The following MDGA2 variants were observed in gnomAD, a reference collection of about 807,000 sequenced individuals.
MDGA2 encodes MAM domain containing glycosylphosphatidylinositol anchor 2, also known as MAM domain-containing glycosylphosphatidylinositol anchor protein 2.
Under a neutral mutation model 117.8 loss-of-function variants are expected in MDGA2, and 40 were observed. The observed-to-expected ratio is 0.34, with a 90% CI of 0.26 to 0.44. The LOEUF is 0.44. Among genes scored for constraint, MDGA2 ranks in the 20% least tolerant of loss-of-function variants. The probability of loss-of-function intolerance (pLI) is 1.00; values close to 1 mark genes in which losing one functional copy is unlikely to be tolerated. For synonymous variants in MDGA2, 452 were observed against 439.0 expected, an observed-to-expected ratio of 1.03 and a Z score of -0.37; for missense variants, 1,123 against 1,250.6, an observed-to-expected ratio of 0.90 and a Z score of 1.54.
At chr14:47,135,490 A>G (rs1232805205) in intron 4 of MDGA2, among the ~76,000 whole-genome samples, 1 of 152,200 alleles carries the variant, frequency 6.6e-6, no homozygotes, top group Non-Finnish European at 1.5e-5. Context: ...AGCATACATT[A>G]TAGGACATAC....
chr14:47,280,955 T>C (rs1013413063), intron 2 of MDGA2, among the ~76,000 whole-genome samples: 3 of 147,832 alleles, frequency 2.0e-5, no homozygotes, highest in Admixed American at 6.8e-5. Flanking sequence ...TAATATAATA[T>C]ATAAGGTATA....
In MDGA2 at chr14:46,933,041, G is replaced by T. The variant is rs1042440590; in HGVS notation, c.2090-12881C>A. 7.2e-5 allele frequency among the ~76,000 whole-genome samples: 11 copies of T among 152,026 alleles called. No individual in the cohort carries two copies. The East Asian group carries it at 2.1e-3, about 29-fold the overall frequency. On this transcript the variant is annotated intron_variant, in intron 9 of 16. Transcript: ENST00000399232. ...TTTATGTTCATTAAAAATATAAAAT[G>T]CTTAGGCATAAATCTAACAAAACCC... is the stretch of plus-strand genomic sequence containing the variant.
At chr14:47,305,359 T>C (rs1889408952) in intron 1 of MDGA2, 1 of 152,174 alleles carries the variant, frequency 6.6e-6, no homozygotes. Context: ...TGTTAAAATA[T>C]TGCATGAGAC....
At chr14:46,893,096 A>AC (rs1375696764) in intron 10 of MDGA2, among the ~76,000 whole-genome samples, 8 of 152,142 alleles carry the variant, frequency 5.3e-5, no homozygotes, top group African/African-American at 1.9e-4. Context: ...TATGGAAACA[A>AC]CCTAAATGTC....
At chr14:47,270,991 ACTC>A (rs1888126345) in intron 2 of MDGA2, among the ~76,000 whole-genome samples, 1 of 151,742 alleles carries the variant, frequency 6.6e-6, no homozygotes, top group Non-Finnish European at 1.5e-5. Flanking sequence ...AAAGGAAGTC[ACTC>A]CTCCTCTTCT....
chr14:47,349,747 G>A (rs1890838377), intron 1 of MDGA2, among the ~76,000 whole-genome samples: 1 of 152,208 alleles, frequency 6.6e-6, no homozygotes, highest in Admixed American at 6.5e-5. Flanking sequence ...CGATACTAGA[G>A]TCAGTCCTTT....
chr14:46,938,897 G>C (rs2138574579), intron 9 of MDGA2, among the ~76,000 whole-genome samples: 1 of 152,240 alleles, frequency 6.6e-6, no homozygotes, highest in African/African-American at 2.4e-5. Flanking sequence ...AAGATAAAAT[G>C]TAGTATATAT....
chr14:47,483,744 C>G (rs1171005426), intron 1 of MDGA2, among the ~76,000 whole-genome samples: 1 of 152,178 alleles, frequency 6.6e-6, no homozygotes, highest in Non-Finnish European at 1.5e-5. Flanking sequence ...ACTTTCCACT[C>G]ACACTGGCAA....
intron 10 of MDGA2, among the ~76,000 whole-genome samples, chr14:46,886,765 C>T (rs897038488): frequency 1.3e-5 from 2 of 152,060 alleles, no homozygotes; most frequent in African/African-American, 4.8e-5. Context: ...AATTCTATGA[C>T]AGTGCTCTCT....
At chr14:47,096,817 A>T (rs774423133) in intron 6 of MDGA2, 37 bp downstream of exon 6, 11 of 1,602,176 alleles carry the variant, frequency 6.9e-6, no homozygotes, top group African/African-American at 1.3e-5. Flanking sequence ...AGCCTAACCT[A>T]GGAATCTACG....
chr14:47,289,742 C>T (rs562251961), intron 2 of MDGA2, among the ~76,000 whole-genome samples: 1 of 152,174 alleles, frequency 6.6e-6, no homozygotes, highest in Admixed American at 6.6e-5. Context: ...TCTTCAAATA[C>T]TTATTTCATA....
chr14:47,272,636 A>G (rs1888182443), intron 2 of MDGA2, among the ~76,000 whole-genome samples: 1 of 152,144 alleles, frequency 6.6e-6, no homozygotes, highest in African/African-American at 2.4e-5. Context: ...TGAAGAAGAA[A>G]AGGGAATACA....
chr14:47,096,733 T>C (rs1879994147), intron 6 of MDGA2, 121 bp downstream of exon 6: 1 of 988,822 alleles, frequency 1.0e-6, no homozygotes, highest in African/African-American at 1.6e-5. Context: ...TTATACATGA[T>C]TTTATCTGTA....
At chr14:47,314,125 T>A (rs1489302834) in intron 1 of MDGA2, among the ~76,000 whole-genome samples, 1 of 152,174 alleles carries the variant, frequency 6.6e-6, no homozygotes, top group Non-Finnish European at 1.5e-5. Context: ...TAAACTTAAC[T>A]GTGTCACACT....
rs1566504353 is a variant in MDGA2, at chr14:47,537,573, T to TAAAAAAAAAAAAAAAAAAAA, written c.280+136943_280+136944insTTTTTTTTTTTTTTTTTTTT. Among the ~76,000 whole-genome samples the TAAAAAAAAAAAAAAAAAAAA allele has an allele frequency of 1.1e-4, 6 of 57,110 alleles. 2 individuals carry two copies. The highest frequency in any genetic ancestry group is 1.7e-4 in the Non-Finnish European group (5 of 29,090). 37.5% of individuals were successfully genotyped at this position (57,110 alleles called of 152,430 possible). ...ATTATCCACTGTTACCTTCTCTCTG[T>TAAAAAAAAAAAAAAAAAAAA]TAAAAAAAAAAAAAAAAAAAAAAAA... On this transcript the variant is annotated intron_variant, in intron 1 of 16. Transcript: ENST00000399232.
chr14:47,232,808 A>G (rs1032602002), intron 2 of MDGA2, among the ~76,000 whole-genome samples: 12 of 152,168 alleles, frequency 7.9e-5, no homozygotes, highest in African/African-American at 2.9e-4. Context: ...CTGTAAACCC[A>G]TGAGTTTAAA....
chr14:47,160,006 T>A (rs1883565187), intron 3 of MDGA2, among the ~76,000 whole-genome samples: 2 of 152,222 alleles, frequency 1.3e-5, no homozygotes, highest in African/African-American at 4.8e-5. Flanking sequence ...AGATTGCAGA[T>A]GAAGTCTTTA....
At chr14:47,466,215 G>A (rs1356552880) in intron 1 of MDGA2, among the ~76,000 whole-genome samples, 4 of 151,848 alleles carry the variant, frequency 2.6e-5, no homozygotes, top group South Asian at 4.2e-4. Context: ...ATAACTATGG[G>A]GTACTGGGCT....
intron 1 of MDGA2, among the ~76,000 whole-genome samples, chr14:47,590,066 G>A (rs1054987004): frequency 2.0e-5 from 3 of 151,616 alleles, no homozygotes; most frequent in Non-Finnish European, 2.9e-5. Flanking sequence ...TTGTGTGTGT[G>A]TATTTGTGTG....
Sources: allele counts gnomAD v4.1 joint callset (sites outside exome capture counted in the v4.1 genomes callset), GRCh38; gene constraint gnomAD v4.1.1; transcripts MANE v1.5; gene names NCBI Gene and HGNC (gene_info 2026-07-23, HGNC 2026-07-21).